The following IGF1R variants were observed in gnomAD, a reference collection of about 807,000 sequenced individuals.
IGF1R encodes insulin-like growth factor 1 receptor.
Under a neutral mutation model 144.6 loss-of-function variants are expected in IGF1R, and 44 were observed. That is an observed-to-expected ratio of 0.30 (90% CI 0.24 to 0.39). The LOEUF is 0.39. Ranked by LOEUF, IGF1R falls within the 10% of genes least tolerant of loss-of-function variation. IGF1R has a pLI of 1.00. For missense variants in IGF1R, 1,355 were observed against 1,833.7 expected (o/e 0.74, Z 4.77); for synonymous variants, 795 against 722.8 (o/e 1.10, Z -1.60).
At chr15:98,734,891 A>G (rs1189497424) in intron 2 of IGF1R, 1 of 152,208 alleles carries the variant, frequency 6.6e-6, no homozygotes, top group Non-Finnish European at 1.5e-5. Flanking sequence ...TTGTAGGTTC[A>G]GGTTTCTATG....
At chr15:98,867,241 C>G (rs1456473279) in intron 2 of IGF1R, among the ~76,000 whole-genome samples, 1 of 152,012 alleles carries the variant, frequency 6.6e-6, no homozygotes, top group African/African-American at 2.4e-5. Context: ...CAACTTTGCG[C>G]AGCAACAAAA....
At chr15:98,649,904 G>T (rs975968812) in intron 1 of IGF1R, among the ~76,000 whole-genome samples, 10 of 152,146 alleles carry the variant, frequency 6.6e-5, no homozygotes, top group Admixed American at 6.5e-4. Flanking sequence ...ATCCCCGCGC[G>T]GGAAGGGCTT....
intron 13 of IGF1R, among the ~76,000 whole-genome samples, chr15:98,926,340 T>C (rs1232706724): frequency 6.6e-6 from 1 of 152,082 alleles, no homozygotes; most frequent in African/African-American, 2.4e-5. Context: ...GAGATGTTAG[T>C]CAAAGGATAC....
intron 1 of IGF1R, among the ~76,000 whole-genome samples, chr15:98,703,500 T>C (rs1180277533): frequency 6.6e-6 from 1 of 152,242 alleles, no homozygotes; most frequent in Non-Finnish European, 1.5e-5. Context: ...GTGTCAGTCA[T>C]AGGCTCCAAA....
chr15:98,940,975 G>A (rs986880189), intron 18 of IGF1R, among the ~76,000 whole-genome samples: 1 of 152,228 alleles, frequency 6.6e-6, no homozygotes, highest in African/African-American at 2.4e-5. Flanking sequence ...GTCCCTGGCT[G>A]GGCTTCCTTG....
At chr15:98,715,483 T>C (rs2054091664) in intron 2 of IGF1R, among the ~76,000 whole-genome samples, 1 of 152,192 alleles carries the variant, frequency 6.6e-6, no homozygotes, top group Non-Finnish European at 1.5e-5. Context: ...TTTGTACAAT[T>C]GTTCTGGTTT....
intron 13 of IGF1R, 46 bp downstream of exon 13, chr15:98,924,730 G>T: frequency 1.3e-6 from 2 of 1,563,904 alleles, no homozygotes; most frequent in Middle Eastern, 3.5e-4. Context: ...CTGAAAGCAG[G>T]GTGGTCCAGG....
At chr15:98,843,903 G>A (rs1371885183) in intron 2 of IGF1R, among the ~76,000 whole-genome samples, 5 of 152,174 alleles carry the variant, frequency 3.3e-5, no homozygotes, top group Admixed American at 6.5e-5. Context: ...CTCACCAGCC[G>A]CTGAAACATA....
chr15:98,802,995 G>T (rs2056393146), intron 2 of IGF1R, among the ~76,000 whole-genome samples: 2 of 152,082 alleles, frequency 1.3e-5, no homozygotes, highest in Non-Finnish European at 2.9e-5. Context: ...GTGAAAAAAT[G>T]GTTTCCTGCT....
chr15:98,774,191 G>A (rs1016517692), intron 2 of IGF1R, among the ~76,000 whole-genome samples: 1 of 152,138 alleles, frequency 6.6e-6, no homozygotes, highest in Non-Finnish European at 1.5e-5. Flanking sequence ...CTTCAAATCA[G>A]ATCAAGTTCT....
intron 2 of IGF1R, among the ~76,000 whole-genome samples, chr15:98,736,573 A>G (rs2054613008): frequency 6.6e-6 from 1 of 151,252 alleles, no homozygotes; most frequent in South Asian, 2.1e-4. Context: ...AGGGGGCTGC[A>G]TATATTTTCC....
intron 20 of IGF1R, chr15:98,953,011 T>C (rs2016838221): frequency 6.6e-6 from 1 of 151,984 alleles, no homozygotes; most frequent in Admixed American, 6.6e-5. Flanking sequence ...AGCATGGGAG[T>C]TCTGTTGCTA....
Position 98,916,261 on chromosome 15 carries a change from G to GTTTT in IGF1R, c.1996+145_1996+148dup, listed in dbSNP as rs34536372. ...TCCATTGGAAACCAGCTATCTTCTG[G>GTTTT]TTTTTTTTTTTTTTTTTTGAGACAG... On this transcript the variant is annotated intron_variant, in intron 9 of 20. Transcript: ENST00000650285. 2.1e-3 allele frequency: 1,179 copies of GTTTT among 554,202 alleles called. 6 individuals are homozygous for GTTTT. The highest frequency in any genetic ancestry group is 9.6e-3 in the African/African-American group (444 of 46,304). 34.3% of individuals were successfully genotyped at this position (554,202 alleles called of 1,614,324 possible).
chr15:98,676,636 A>G (rs891663018), intron 1 of IGF1R, among the ~76,000 whole-genome samples: 5 of 152,042 alleles, frequency 3.3e-5, no homozygotes, highest in African/African-American at 1.2e-4. Flanking sequence ...TGTTTTTGCA[A>G]TTCTTCTCCG....
intron 2 of IGF1R, among the ~76,000 whole-genome samples, chr15:98,832,978 G>A (rs1409361921): frequency 6.6e-6 from 1 of 152,100 alleles, no homozygotes; most frequent in African/African-American, 2.4e-5. Context: ...CCTGAATGTT[G>A]AACTAGCTCT....
At chr15:98,749,796 C>T (rs953398830) in intron 2 of IGF1R, among the ~76,000 whole-genome samples, 2 of 152,026 alleles carry the variant, frequency 1.3e-5, no homozygotes, top group Non-Finnish European at 2.9e-5. Flanking sequence ...GGACACTTCT[C>T]ATTTTTCTGG....
chr15:98,753,038 C>T (rs1391938839), intron 2 of IGF1R, among the ~76,000 whole-genome samples: 4 of 147,686 alleles, frequency 2.7e-5, no homozygotes, highest in African/African-American at 1.0e-4. Context: ...AGGGTTCAAG[C>T]GATTCTCCTG....
At chr15:98,752,662 C>A (rs929944129) in intron 2 of IGF1R, among the ~76,000 whole-genome samples, 3 of 148,108 alleles carry the variant, frequency 2.0e-5, no homozygotes, top group African/African-American at 7.5e-5. Flanking sequence ...CCAGCCTGGG[C>A]GACAGAGCGA....
intron 2 of IGF1R, among the ~76,000 whole-genome samples, chr15:98,873,446 G>A (rs2012892593): frequency 1.3e-5 from 2 of 152,212 alleles, no homozygotes; most frequent in African/African-American, 4.8e-5. Context: ...AGCTTGAGTT[G>A]TATACTAATT....
Sources: allele counts gnomAD v4.1 joint callset (sites outside exome capture counted in the v4.1 genomes callset), GRCh38; gene constraint gnomAD v4.1.1; transcripts MANE v1.5; gene names NCBI Gene and HGNC (gene_info 2026-07-23, HGNC 2026-07-21).